DNAH3: variants seen among roughly 807,000 people sequenced by gnomAD.
DNAH3 encodes axonemal beta dynein heavy chain 3.
DNAH3 carries 332 observed loss-of-function variants against 432.5 expected under a neutral mutation model. The ratio of observed to expected loss-of-function variants is 0.77; its 90% confidence interval spans 0.70 to 0.84. The LOEUF (loss-of-function observed/expected upper bound fraction) is 0.84, where lower values mean the gene tolerates loss of function less well. DNAH3 is among the 40% of genes least tolerant of loss of function. DNAH3 has a pLI of 0.00. For missense variants in DNAH3, 4,861 were observed against 5,114.0 expected (o/e 0.95, Z 1.51); for synonymous variants, 1,956 against 1,900.2 (o/e 1.03, Z -0.76).
chr16:21,101,153 C>A (rs758704944), intron 16 of DNAH3, among the ~76,000 whole-genome samples: 37 of 152,136 alleles, frequency 2.4e-4, no homozygotes, highest in Admixed American at 2.2e-3. Flanking sequence ...TAAATGCACT[C>A]AGAACACTCA....
At chr16:21,101,333 A>AT in intron 16 of DNAH3, among the ~76,000 whole-genome samples, 1 of 152,304 alleles carries the variant, frequency 6.6e-6, no homozygotes, top group East Asian at 1.9e-4. Flanking sequence ...AAGTTGAACC[A>AT]TCGTAAGTCA....
chr16:21,134,408 A>G (rs775737164), exon 7 of DNAH3: 4 of 1,614,112 alleles, frequency 2.5e-6, no homozygotes, highest in African/African-American at 1.3e-5. Flanking sequence ...GGATGCTCTC[A>G]ATAAAGAGCC....
chr16:21,007,504 A>G (rs977670178), intron 41 of DNAH3, among the ~76,000 whole-genome samples: 1 of 152,140 alleles, frequency 6.6e-6, no homozygotes, highest in African/African-American at 2.4e-5. Flanking sequence ...CCTGGCCTGT[A>G]TATCTTCTGT....
intron 38 of DNAH3, among the ~76,000 whole-genome samples, chr16:21,026,734 A>G (rs2088581491): frequency 6.7e-6 from 1 of 149,182 alleles, no homozygotes; most frequent in Non-Finnish European, 1.5e-5. Context: ...GAAGGAAATG[A>G]TAGATATGGG....
intron 38 of DNAH3, among the ~76,000 whole-genome samples, chr16:21,026,018 A>G (rs2088535403): frequency 6.6e-6 from 1 of 152,076 alleles, no homozygotes; most frequent in African/African-American, 2.4e-5. Context: ...GGATTACAGC[A>G]TAAGTCATCG....
At chr16:20,945,252 G>A (rs1226843825) in intron 57 of DNAH3, among the ~76,000 whole-genome samples, 1 of 152,162 alleles carries the variant, frequency 6.6e-6, no homozygotes, top group African/African-American at 2.4e-5. Context: ...AGCATGCTAT[G>A]AGACACTCCC....
At chr16:20,957,808 CA>C (rs762197650) in intron 54 of DNAH3, among the ~76,000 whole-genome samples, 37 of 53,236 alleles carry the variant, frequency 7.0e-4, no homozygotes, top group Non-Finnish European at 8.3e-4. Flanking sequence ...ACTCCATCTC[CA>C]AAAAAAAAAA....
At chr16:21,106,225 T>G (rs1412901865) in intron 15 of DNAH3, among the ~76,000 whole-genome samples, 1 of 150,804 alleles carries the variant, frequency 6.6e-6, no homozygotes, top group Non-Finnish European at 1.5e-5. Flanking sequence ...TGTCTATCTA[T>G]GTCTCCTTTG....
At chr16:21,126,403 T>C (rs2092447507) in intron 8 of DNAH3, among the ~76,000 whole-genome samples, 1 of 152,196 alleles carries the variant, frequency 6.6e-6, no homozygotes, top group African/African-American at 2.4e-5. Context: ...TGATAGCATC[T>C]ACATTTTCTC....
chr16:21,020,389 ATATATATATTTTTTT>A (rs1464781866), intron 40 of DNAH3, among the ~76,000 whole-genome samples: 34 of 29,932 alleles, frequency 1.1e-3, no homozygotes, highest in Non-Finnish European at 1.6e-3. Context: ...ATATATATAT[ATATATATATTTTTTT>A]TTTTTTTTTT....
At chr16:21,042,073 A>G in exon 32 of DNAH3, 1 of 1,613,980 alleles carries the variant, frequency 6.2e-7, no homozygotes. Flanking sequence ...CCCGGGGTTC[A>G]TGGTGATGAA....
intron 44 of DNAH3, among the ~76,000 whole-genome samples, chr16:20,989,830 C>T (rs1268687281): frequency 3.3e-5 from 5 of 152,354 alleles, no homozygotes; most frequent in Non-Finnish European, 5.9e-5. Flanking sequence ...AGCGCAGCAC[C>T]GGTGGGCTGG....
Position 20,969,784 on chromosome 16 carries a change from G to T in DNAH3, c.8458+8C>A. 1.2e-6 allele frequency: 2 copies of T among 1,613,948 alleles called. No homozygotes were observed. The highest frequency in any genetic ancestry group is 8.5e-7 in the Non-Finnish European group (1 of 1,179,986). ...CCTGTGCAGGCATCTGGGTGGGGTG[G>T]CACTTACCGGAGCCACTGGGGTCTG... On this transcript the variant is annotated splice_region_variant and intron_variant, in intron 52 of 61. Transcript: ENST00000261383.
intron 50 of DNAH3, among the ~76,000 whole-genome samples, chr16:20,978,531 G>T (rs933692697): frequency 6.6e-6 from 1 of 151,992 alleles, no homozygotes; most frequent in African/African-American, 2.4e-5. Flanking sequence ...CGTCTCGAAA[G>T]AAATAATTAT....
intron 6 of DNAH3, among the ~76,000 whole-genome samples, chr16:21,135,672 A>G (rs1247490333): frequency 2.0e-5 from 3 of 152,190 alleles, no homozygotes; most frequent in Non-Finnish European, 4.4e-5. Context: ...AGTTGCAGTG[A>G]GCAGAGATCA....
At chr16:21,116,502 A>G (rs1366206270) in intron 12 of DNAH3, among the ~76,000 whole-genome samples, 1 of 152,112 alleles carries the variant, frequency 6.6e-6, no homozygotes. Flanking sequence ...CCGACCGACC[A>G]TAAGTTTCCT....
intron 24 of DNAH3, among the ~76,000 whole-genome samples, chr16:21,065,851 G>A (rs775947396): frequency 6.6e-6 from 1 of 152,094 alleles, no homozygotes. Flanking sequence ...ATTTGAGACG[G>A]AGTCTTGCTC....
intron 31 of DNAH3, 60 bp from the exon 32 acceptor site, chr16:21,042,263 C>G: frequency 6.7e-7 from 1 of 1,495,686 alleles, no homozygotes; most frequent in South Asian, 1.4e-5. Flanking sequence ...CCACCCTACT[C>G]TACCGGAGTC....
chr16:21,111,758 T>C, exon 14 of DNAH3: 1 of 1,613,976 alleles, frequency 6.2e-7, no homozygotes, highest in Middle Eastern at 1.7e-4. Context: ...CACGGTGATG[T>C]TCATGGATGC....
Sources: gnomAD v4.1 joint callset for allele counts (sites outside exome capture counted in the v4.1 genomes callset) on GRCh38, gnomAD v4.1.1 for gene constraint, MANE v1.5 for transcripts, NCBI Gene and HGNC (gene_info 2026-07-23, HGNC 2026-07-21) for gene names.